The following NELFB variants were observed in gnomAD, a reference collection of about 807,000 sequenced individuals.
The protein encoded by NELFB is negative elongation factor complex member B.
NELFB carries 34 observed loss-of-function variants against 60.2 expected under a neutral mutation model. The ratio of observed to expected loss-of-function variants is 0.56; its 90% CI spans 0.43 to 0.75. The LOEUF (loss-of-function observed/expected upper bound fraction) is 0.75. Among genes scored for constraint, NELFB ranks in the 30% least tolerant of loss-of-function variants. The pLI is 0.00. For synonymous variants in NELFB, 459 were observed against 382.1 expected (o/e 1.20, Z -2.35); for missense variants, 770 against 831.6 (o/e 0.93, Z 0.91).
intron 9 of NELFB, 50 bp downstream of exon 9, chr9:137,267,136 C>T: frequency 6.2e-7 from 1 of 1,612,562 alleles, no homozygotes; most frequent in African/African-American, 1.3e-5. Context: ...GCAGGGATGG[C>T]ACTGTTGCCC....
chr9:137,261,915 A>G (rs1353864589), intron 4 of NELFB, among the ~76,000 whole-genome samples: 1 of 151,932 alleles, frequency 6.6e-6, no homozygotes, highest in Non-Finnish European at 1.5e-5. Flanking sequence ...CTCCAATGAT[A>G]GGTAAGGTCA....
Position 137,272,615 on chromosome 9 carries a change from G to T in NELFB, c.1740G>T (p.Gln580His). The T allele has an allele frequency of 6.3e-7, 1 of 1,592,000 alleles. No individual in the cohort carries two copies. The highest frequency in any genetic ancestry group is 8.5e-7 in the Non-Finnish European group (1 of 1,169,862). Residue 580 changes from glutamine (Q) to histidine (H), a missense_variant and splice_region_variant, in exon 12 of 13, where the codon CAG becomes CAT. Coordinates refer to ENST00000343053, the MANE Select transcript of NELFB (RefSeq NM_015456.5). ...AGAAGGCCCTGGAGCCTACAGGCCAGGTGGGTGCCCGGGGGGGCTGCATCT... is the reference window on the plus strand; with the variant it reads ...AGAAGGCCCTGGAGCCTACAGGCCATGTGGGTGCCCGGGGGGGCTGCATCT...
intron 5 of NELFB, 51 bp downstream of exon 5, chr9:137,263,273 C>A: frequency 6.6e-7 from 1 of 1,522,096 alleles, no homozygotes; most frequent in South Asian, 1.2e-5. Context: ...GTAGTGCTGC[C>A]CTCCCTCCCT....
intron 10 of NELFB, 96 bp downstream of exon 10, chr9:137,267,442 T>G: frequency 1.9e-6 from 2 of 1,032,078 alleles, no homozygotes; most frequent in Non-Finnish European, 2.8e-6. Flanking sequence ...CCCCAGGAGC[T>G]GCCTTGTCTC....
Position 137,255,349 on chromosome 9 carries a change from C to A in NELFB, c.-17C>A. ...GGCGGCTGCGGGACGCGCGCGGAGTCGCGCGGCGGGCGGGACCTGGCCGAG... is the reference window on the plus strand; with the variant it reads ...GGCGGCTGCGGGACGCGCGCGGAGTAGCGCGGCGGGCGGGACCTGGCCGAG... On this transcript the variant is annotated 5_prime_UTR_variant, in exon 1 of 13. Transcript: ENST00000343053. 1 of 407,142 alleles carries A rather than the reference C, an allele frequency of 2.5e-6. No homozygotes were observed. The highest frequency in any genetic ancestry group is 1.1e-4 in the South Asian group (1 of 8,716). 25.2% of individuals were successfully genotyped at this position (407,142 alleles called of 1,614,324 possible). A position where few individuals can be genotyped will look rare whatever the true frequency, so the allele number is the denominator to read the frequency against.
intron 8 of NELFB, 59 bp downstream of exon 8, chr9:137,266,485 GGGTGGA>G: frequency 6.9e-7 from 1 of 1,447,916 alleles, no homozygotes; most frequent in Non-Finnish European, 9.6e-7. Context: ...GCTGGAAGTG[GGGTGGA>G]GGGGGAGGCG....
At chr9:137,263,361 C>T in intron 5 of NELFB, 139 bp downstream of exon 5, 1 of 628,464 alleles carries the variant, frequency 1.6e-6, no homozygotes, top group Non-Finnish European at 2.6e-6. Flanking sequence ...CTCCCTCCCT[C>T]CTTCTCCCTT....
chr9:137,272,790 G>A lies in NELFB; in HGVS notation c.1749G>A (p.Glu583=). Reference sequence around the variant, plus strand: ...GGTGTGGTTCCCCGCAGAGCGGAGAGGCAGTGAAGGAGCTTTACTCCCAGC... The same window carrying A: ...GGTGTGGTTCCCCGCAGAGCGGAGAAGCAGTGAAGGAGCTTTACTCCCAGC... Residue 583 remains glutamate, a synonymous_variant, in exon 13 of 13, where the codon GAG becomes GAA. Transcript: ENST00000343053. 6.5e-7 allele frequency: 1 copy of A among 1,548,122 alleles called. No homozygotes were observed. The highest frequency in any genetic ancestry group is 8.7e-7 in the Non-Finnish European group (1 of 1,145,426).
intron 4 of NELFB, among the ~76,000 whole-genome samples, chr9:137,259,525 C>G (rs1435780572): frequency 1.3e-5 from 2 of 152,184 alleles, no homozygotes; most frequent in African/African-American, 4.8e-5. Flanking sequence ...CTGCATTTCC[C>G]AGGCCTTTCT....
At chr9:137,264,419 T>C (rs13295537) in intron 6 of NELFB, 62 bp downstream of exon 6, 912,106 of 1,239,214 alleles carry the variant, frequency 0.74, 338,600 homozygotes, top group Admixed American at 0.8. Flanking sequence ...GGTCTGCGCT[T>C]GCTGTGTTTT....
intron 10 of NELFB, among the ~76,000 whole-genome samples, chr9:137,268,908 CAG>C (rs1830551086): frequency 6.6e-6 from 1 of 152,078 alleles, no homozygotes; most frequent in South Asian, 2.1e-4. Context: ...AGATGAGAGA[CAG>C]AGCTAGAGAT....
intron 10 of NELFB, 110 bp downstream of exon 10, chr9:137,267,456 AG>A: frequency 1.3e-6 from 1 of 782,348 alleles, no homozygotes; most frequent in Non-Finnish European, 2.0e-6. Context: ...TTGTCTCCCC[AG>A]CCCACCTCCA....
At chr9:137,256,126 G>A in intron 2 of NELFB, 56 bp downstream of exon 2, 1 of 1,568,988 alleles carries the variant, frequency 6.4e-7, no homozygotes, top group Non-Finnish European at 8.8e-7. Flanking sequence ...CTCAGCCTTG[G>A]ATCGACTCAG....
rs754967234 is a variant in NELFB at position 137,255,927 on chromosome 9, G to C, written c.267G>C (p.Leu89=). 6 of 1,614,040 alleles carry C rather than the reference G, an allele frequency of 3.7e-6. No individual in the cohort carries two copies. Among genetic ancestry groups the C allele is most frequent in the Non-Finnish European group, 5.1e-6 (6 of 1,180,022 alleles). The change falls in exon 2 of 13, where the codon CTG becomes CTC. Residue 89 remains leucine, a synonymous_variant. Transcript: ENST00000343053. ...CTCAGACAGAGAATGGTGTGCTGCTGCCATCTCTTCAGTCAGCCCTCCCCT... is the reference window on the plus strand; with the variant it reads ...CTCAGACAGAGAATGGTGTGCTGCTCCCATCTCTTCAGTCAGCCCTCCCCT...
chr9:137,272,132 C>T lies in NELFB; in HGVS notation c.1541C>T (p.Thr514Met), dbSNP rs752643955. 48 of 1,614,104 alleles carry T rather than the reference C, an allele frequency of 3.0e-5. No homozygotes were observed. Among genetic ancestry groups the T allele is most frequent in the South Asian group, 8.8e-5 (8 of 91,090 alleles). ...GGCGACATCTTCCTCCACCTGCTCACGGGCAACCTTGCGCTGCTGGCCGAC... is the reference window on the plus strand; with the variant it reads ...GGCGACATCTTCCTCCACCTGCTCATGGGCAACCTTGCGCTGCTGGCCGAC... Residue 514 changes from threonine (T) to methionine (M), a missense_variant, in exon 11 of 13, where the codon ACG becomes ATG. By Grantham distance (81) the Thr-to-Met change is moderately conservative (BLOSUM62 -1). Coordinates refer to ENST00000343053, the MANE Select transcript of NELFB (RefSeq NM_015456.5).
chr9:137,259,729 T>C (rs1271885651), intron 4 of NELFB, among the ~76,000 whole-genome samples: 1 of 151,068 alleles, frequency 6.6e-6, no homozygotes, highest in Non-Finnish European at 1.5e-5. Flanking sequence ...ATTATTTATT[T>C]ATTTATTTTT....
rs775380380 is a variant in NELFB, at chr9:137,267,130, G to A, written c.1382+44G>A. 3.1e-6 allele frequency: 5 copies of A among 1,613,042 alleles called. No individual in the cohort carries two copies. In the South Asian group the frequency reaches 5.5e-5, roughly 18 times the overall value. On this transcript the variant is annotated intron_variant, in intron 9 of 12. Coordinates refer to ENST00000343053, the MANE Select transcript of NELFB (RefSeq NM_015456.5). ...TGGTGCAGGGGTGGCCGTGGCGCAGGGATGGCACTGTTGCCCAGGGGGCTG... is the reference window on the plus strand; with the variant it reads ...TGGTGCAGGGGTGGCCGTGGCGCAGAGATGGCACTGTTGCCCAGGGGGCTG...
Position 137,266,974 on chromosome 9 carries a change from A to G in NELFB, c.1270A>G (p.Met424Val). 1 of 1,613,864 alleles carries G rather than the reference A, an allele frequency of 6.2e-7. No homozygotes were observed. Among genetic ancestry groups the G allele is most frequent in the Non-Finnish European group, 8.5e-7 (1 of 1,179,990 alleles). Residue 424 changes from methionine to valine, a missense_variant, in exon 9 of 13, where the codon ATG (methionine) becomes GTG (valine). Coordinates refer to ENST00000343053, the MANE Select transcript of NELFB (RefSeq NM_015456.5). ...AGAGCTCATCACCAGGTTCCTCCCGATGCTCATGTCCTTCCTGGTGGATGA... is the reference window on the plus strand; with the variant it reads ...AGAGCTCATCACCAGGTTCCTCCCGGTGCTCATGTCCTTCCTGGTGGATGA...
At chr9:137,266,293 G>C (rs1402784396) in intron 7 of NELFB, 38 bp from the exon 8 acceptor site, 2 of 1,576,584 alleles carry the variant, frequency 1.3e-6, no homozygotes, top group Admixed American at 3.4e-5. Flanking sequence ...CCAGGACACA[G>C]CTGCCTGGGA....
Sources: allele counts gnomAD v4.1 joint callset (sites outside exome capture counted in the v4.1 genomes callset), GRCh38; gene constraint gnomAD v4.1.1; transcripts MANE v1.5; gene names NCBI Gene and HGNC (gene_info 2026-07-23, HGNC 2026-07-21).